Variants in LRP1B observed in about 807,000 individuals in gnomAD.
LRP1B encodes the protein low-density lipoprotein receptor-related protein 1B.
LRP1B carries 217 observed loss-of-function variants against 556.6 expected under a neutral mutation model. The ratio of observed to expected loss-of-function variants is 0.39; its 90% CI spans 0.35 to 0.44. The LOEUF (loss-of-function observed/expected upper bound fraction) is 0.44. Ranked by LOEUF, LRP1B falls within the 20% of genes least tolerant of loss-of-function variation. The pLI is 1.00. For synonymous variants in LRP1B, 2,047 were observed against 1,865.8 expected, an observed-to-expected ratio of 1.10 and a Z score of -2.50; for missense variants, 5,053 against 5,620.8, an observed-to-expected ratio of 0.90 and a Z score of 3.23.
At chr2:141,145,760 T>A (rs1002188682) in intron 7 of LRP1B, among the ~76,000 whole-genome samples, 8 of 151,956 alleles carry the variant, frequency 5.3e-5, no homozygotes, top group Admixed American at 1.3e-4. Context: ...CTCATACTCC[T>A]GACCTCGGGT....
intron 35 of LRP1B, among the ~76,000 whole-genome samples, chr2:140,723,780 A>G (rs1408881948): frequency 6.6e-6 from 1 of 152,230 alleles, no homozygotes; most frequent in Non-Finnish European, 1.5e-5. Context: ...CTTGAGAATA[A>G]CTGTCGGATA....
intron 43 of LRP1B, among the ~76,000 whole-genome samples, chr2:140,582,081 A>T (rs1681784957): frequency 6.6e-6 from 1 of 152,180 alleles, no homozygotes; most frequent in Non-Finnish European, 1.5e-5. Context: ...TGGTCGTGAC[A>T]CACATATATC....
chr2:141,762,069 G>T (rs566111176), intron 2 of LRP1B, among the ~76,000 whole-genome samples: 15 of 151,692 alleles, frequency 9.9e-5, no homozygotes, highest in African/African-American at 3.6e-4. Flanking sequence ...TTTCTTTATG[G>T]TTATTGTCTT....
rs762120638 is a variant in LRP1B at position 141,810,257 on chromosome 2, G to C, written c.205+22C>G. On this transcript the variant is annotated intron_variant, in intron 2 of 90. Coordinates refer to ENST00000389484, the MANE Select transcript of LRP1B (RefSeq NM_018557.3). ...TTCACATGTAAGGTAAATCCGAATGGCATGAGAACCTTTCTACTCACAGGT... is the reference window on the plus strand; with the variant it reads ...TTCACATGTAAGGTAAATCCGAATGCCATGAGAACCTTTCTACTCACAGGT... 3 of 1,611,018 alleles carry C rather than the reference G, an allele frequency of 1.9e-6. No homozygotes were observed. In the African/African-American group the frequency reaches 4.0e-5, roughly 22 times the overall value.
At chr2:140,767,636 ATTTT>A (rs201182101) in intron 35 of LRP1B, among the ~76,000 whole-genome samples, 4 of 151,026 alleles carry the variant, frequency 2.6e-5, no homozygotes, top group African/African-American at 9.7e-5. Context: ...ATATTATTTT[ATTTT>A]TTTTAATTAT....
intron 1 of LRP1B, among the ~76,000 whole-genome samples, chr2:141,982,741 A>G (rs1446221707): frequency 1.3e-5 from 2 of 152,240 alleles, no homozygotes; most frequent in African/African-American, 2.4e-5. Context: ...AGTTATTCAC[A>G]TAACAGGATC....
intron 41 of LRP1B, among the ~76,000 whole-genome samples, chr2:140,666,981 A>C (rs1685300373): frequency 6.6e-6 from 1 of 152,200 alleles, no homozygotes. Flanking sequence ...GCCTTGCTCA[A>C]ATGCACAGGA....
chr2:141,087,889 G>A (rs200092428), intron 7 of LRP1B, among the ~76,000 whole-genome samples: 1 of 48,740 alleles, frequency 2.1e-5, no homozygotes, highest in Non-Finnish European at 5.1e-5. Context: ...TGCCTCATTT[G>A]TTGTCTCAAG....
At chr2:140,686,750 C>T (rs1327568609) in intron 41 of LRP1B, among the ~76,000 whole-genome samples, 1 of 151,828 alleles carries the variant, frequency 6.6e-6, no homozygotes, top group African/African-American at 2.4e-5. Flanking sequence ...CAGTATAAAT[C>T]ATTATAATGA....
At chr2:140,871,049 G>T (rs919784866) in intron 25 of LRP1B, among the ~76,000 whole-genome samples, 5 of 152,054 alleles carry the variant, frequency 3.3e-5, no homozygotes, top group Non-Finnish European at 7.4e-5. Flanking sequence ...GATGAGAGTG[G>T]AACTTCCTAT....
intron 2 of LRP1B, among the ~76,000 whole-genome samples, chr2:141,613,430 T>A (rs902345764): frequency 9.8e-5 from 15 of 152,318 alleles, no homozygotes; most frequent in African/African-American, 2.9e-4. Flanking sequence ...CACCGCCACA[T>A]GAACTTTCAC....
intron 15 of LRP1B, among the ~76,000 whole-genome samples, chr2:141,000,401 A>G (rs1030647567): frequency 5.9e-5 from 9 of 152,094 alleles, no homozygotes; most frequent in Non-Finnish European, 1.2e-4. Flanking sequence ...AGCAATTAAG[A>G]CAATTTTTCA....
At chr2:140,707,437 G>T (rs557080915) in intron 37 of LRP1B, among the ~76,000 whole-genome samples, 2 of 152,140 alleles carry the variant, frequency 1.3e-5, no homozygotes, top group South Asian at 4.1e-4. Flanking sequence ...AAACCCTACA[G>T]ATGAACAATA....
intron 1 of LRP1B, among the ~76,000 whole-genome samples, chr2:142,026,216 C>T (rs544615679): frequency 2.1e-3 from 325 of 152,182 alleles, no homozygotes; most frequent in African/African-American, 7.5e-3. Flanking sequence ...GAGTTTGATT[C>T]ACATTTTTAC....
chr2:142,037,508 A>G (rs1484424995), intron 1 of LRP1B, among the ~76,000 whole-genome samples: 1 of 151,600 alleles, frequency 6.6e-6, no homozygotes, highest in East Asian at 1.9e-4. Context: ...AAAGCCTGGA[A>G]GAGTAAAAGA....
chr2:140,484,681 T>C (rs1463209127), intron 59 of LRP1B, among the ~76,000 whole-genome samples: 1 of 152,166 alleles, frequency 6.6e-6, no homozygotes, highest in South Asian at 2.1e-4. Flanking sequence ...TGAATTATAA[T>C]GGTCATAATC....
At chr2:140,796,846 G>A (rs768921695) in intron 32 of LRP1B, among the ~76,000 whole-genome samples, 4 of 151,904 alleles carry the variant, frequency 2.6e-5, no homozygotes, top group African/African-American at 7.2e-5. Flanking sequence ...ACAATTAATC[G>A]CTAGATCTTT....
intron 1 of LRP1B, among the ~76,000 whole-genome samples, chr2:142,057,661 A>G (rs1704728861): frequency 6.6e-6 from 1 of 152,168 alleles, no homozygotes; most frequent in South Asian, 2.1e-4. Context: ...AATACTTGGC[A>G]AGAGTATAAT....
chr2:141,561,926 A>G (rs1686168517), intron 2 of LRP1B, among the ~76,000 whole-genome samples: 1 of 151,912 alleles, frequency 6.6e-6, no homozygotes, highest in South Asian at 2.1e-4. Context: ...TGCCAATAGA[A>G]GTTAACCATC....
Sources: gnomAD v4.1 joint callset for allele counts (sites outside exome capture counted in the v4.1 genomes callset) on GRCh38, gnomAD v4.1.1 for gene constraint, MANE v1.5 for transcripts, NCBI Gene and HGNC (gene_info 2026-07-23, HGNC 2026-07-21) for gene names.